The following NLGN1 variants were observed in gnomAD, a reference collection of about 807,000 sequenced individuals.
NLGN1 encodes the protein neuroligin 1, also known as neuroligin-1.
In NLGN1, 12 loss-of-function variants were observed where a neutral mutation model predicts 65.5. The observed-to-expected ratio is 0.18, with a 90% confidence interval of 0.12 to 0.30. The LOEUF (loss-of-function observed/expected upper bound fraction) is 0.30. Among genes scored for constraint, NLGN1 ranks in the 10% least tolerant of loss-of-function variants. NLGN1 has a pLI of 1.00. For missense variants in NLGN1, 750 were observed against 1,007.1 expected (o/e 0.74, Z 3.46); for synonymous variants, 350 against 359.5 (o/e 0.97, Z 0.30).
rs1486980849 is a variant in NLGN1, at chr3:174,211,721, G to A, written c.647-63594G>A. On this transcript the variant is annotated intron_variant, in intron 4 of 6. Coordinates refer to ENST00000457714, the Ensembl canonical transcript of NLGN1. ...GGTTCTCCACATCCCCATCAGATTAGTTAGATACAGAGTTTCGACACACAG... is the reference window on the plus strand; with the variant it reads ...GGTTCTCCACATCCCCATCAGATTAATTAGATACAGAGTTTCGACACACAG... 1.3e-4 allele frequency among the ~76,000 whole-genome samples: 19 copies of A among 143,440 alleles called. No homozygotes were observed. In the Admixed American group the frequency reaches 1.4e-3, roughly 10 times the overall value. 94.1% of individuals were successfully genotyped at this position (143,440 alleles called of 152,430 possible). A position where few individuals can be genotyped will look rare whatever the true frequency, so the allele number is the denominator to read the frequency against.
chr3:174,017,515 C>T (rs1726826847), intron 4 of NLGN1, among the ~76,000 whole-genome samples: 1 of 152,094 alleles, frequency 6.6e-6, no homozygotes, highest in Non-Finnish European at 1.5e-5. Context: ...GAGGTTCTTT[C>T]AGGGGAACCT....
chr3:173,430,879 A>G lies in NLGN1; in HGVS notation c.-389-4131A>G, dbSNP rs529964504. 2.6e-5 allele frequency among the ~76,000 whole-genome samples: 4 copies of G among 152,312 alleles called. No individual in the cohort carries two copies. The South Asian group carries it at 8.3e-4, about 32-fold the overall frequency. ...AGCACCAGAAGCAGATGCTGATACC[A>G]TGCTTCTTGTACAGCCTGGAGAACT... On this transcript the variant is annotated intron_variant, in intron 1 of 6. Coordinates refer to ENST00000457714, the Ensembl canonical transcript of NLGN1.
intron 2 of NLGN1, among the ~76,000 whole-genome samples, chr3:173,511,917 A>T (rs548239808): frequency 6.6e-6 from 1 of 152,114 alleles, no homozygotes; most frequent in Admixed American, 6.5e-5. Flanking sequence ...TTATAATTAT[A>T]TTGCAGGGTA....
intron 4 of NLGN1, among the ~76,000 whole-genome samples, chr3:173,859,058 A>C (rs1728563430): frequency 6.6e-6 from 1 of 152,110 alleles, no homozygotes; most frequent in Non-Finnish European, 1.5e-5. Flanking sequence ...ACTTCAATAT[A>C]GTTTAACTTC....
At chr3:173,614,423 A>G (rs1752750726) in intron 3 of NLGN1, among the ~76,000 whole-genome samples, 1 of 152,064 alleles carries the variant, frequency 6.6e-6, no homozygotes, top group Non-Finnish European at 1.5e-5. Context: ...GGATCTCTAA[A>G]AAGAAGAATG....
chr3:174,155,741 G>A (rs925437297), intron 4 of NLGN1, among the ~76,000 whole-genome samples: 1 of 151,780 alleles, frequency 6.6e-6, no homozygotes, highest in African/African-American at 2.4e-5. Flanking sequence ...AAGAAATATC[G>A]AAATGAGTAG....
intron 3 of NLGN1, among the ~76,000 whole-genome samples, chr3:173,660,184 C>G (rs1760724923): frequency 6.6e-6 from 1 of 151,794 alleles, no homozygotes; most frequent in Non-Finnish European, 1.5e-5. Context: ...TTTATCTTTT[C>G]CACACAGTGA....
chr3:174,252,177 A>C (rs891770316), intron 4 of NLGN1, among the ~76,000 whole-genome samples: 2 of 152,130 alleles, frequency 1.3e-5, no homozygotes, highest in Admixed American at 1.3e-4. Context: ...TCACATATTC[A>C]TTTCTTATCA....
chr3:173,797,014 C>T (rs1478276246), intron 3 of NLGN1, among the ~76,000 whole-genome samples: 1 of 152,122 alleles, frequency 6.6e-6, no homozygotes, highest in Non-Finnish European at 1.5e-5. Context: ...GGAAAGTGAG[C>T]CAGAGAGCTG....
At chr3:174,227,012 T>C (rs1278601841) in intron 4 of NLGN1, among the ~76,000 whole-genome samples, 6 of 152,212 alleles carry the variant, frequency 3.9e-5, no homozygotes, top group Admixed American at 6.5e-5. Context: ...TTAGTGATTC[T>C]AATATTAAAC....
chr3:173,594,031 G>T (rs951233967), intron 2 of NLGN1, among the ~76,000 whole-genome samples: 1 of 152,144 alleles, frequency 6.6e-6, no homozygotes, highest in Non-Finnish European at 1.5e-5. Context: ...TACAATTCAG[G>T]ATGAGAGTTG....
At chr3:173,584,399 ATTTTTTTTTTTTTTT>A (rs66827074) in intron 2 of NLGN1, among the ~76,000 whole-genome samples, 40 of 30,822 alleles carry the variant, frequency 1.3e-3, no homozygotes, top group South Asian at 6.5e-3. Flanking sequence ...GGTCCTCGGC[ATTTTTTTTTTTTTTT>A]TTTTTTTTTT....
At chr3:173,720,492 A>C (rs1348168934) in intron 3 of NLGN1, among the ~76,000 whole-genome samples, 1 of 152,180 alleles carries the variant, frequency 6.6e-6, no homozygotes, top group Non-Finnish European at 1.5e-5. Context: ...TATATCACAC[A>C]TTATTTGCTT....
At chr3:174,197,660 G>A (rs1733718321) in intron 4 of NLGN1, among the ~76,000 whole-genome samples, 4 of 151,574 alleles carry the variant, frequency 2.6e-5, no homozygotes, top group African/African-American at 9.7e-5. Context: ...AAATGCAACT[G>A]AGGCTGCTCT....
intron 2 of NLGN1, among the ~76,000 whole-genome samples, chr3:173,570,075 C>T (rs1744385451): frequency 6.6e-6 from 1 of 152,108 alleles, no homozygotes; most frequent in Non-Finnish European, 1.5e-5. Context: ...GTAGGCTTAA[C>T]CCCAACCTAT....
At chr3:173,837,832 A>C (rs550702489) in intron 4 of NLGN1, among the ~76,000 whole-genome samples, 1 of 152,316 alleles carries the variant, frequency 6.6e-6, no homozygotes. Flanking sequence ...ATGTCAGTGC[A>C]GTTGGAGGGA....
At chr3:173,784,429 G>A (rs1259787022) in intron 3 of NLGN1, among the ~76,000 whole-genome samples, 1 of 152,066 alleles carries the variant, frequency 6.6e-6, no homozygotes, top group African/African-American at 2.4e-5. Flanking sequence ...CTCTCCCACA[G>A]GCATGCTCAA....
At chr3:173,940,385 G>A (rs187123288) in intron 4 of NLGN1, among the ~76,000 whole-genome samples, 14 of 152,032 alleles carry the variant, frequency 9.2e-5, no homozygotes, top group African/African-American at 2.2e-4. Flanking sequence ...TACCATGCCC[G>A]GCCTCAAATA....
chr3:174,174,228 A>G (rs1048543586), intron 4 of NLGN1, among the ~76,000 whole-genome samples: 1 of 151,972 alleles, frequency 6.6e-6, no homozygotes, highest in Non-Finnish European at 1.5e-5. Context: ...TCATTCATTG[A>G]TGGGCATTTG....
Sources: allele counts gnomAD v4.1 joint callset (sites outside exome capture counted in the v4.1 genomes callset), GRCh38; gene constraint gnomAD v4.1.1; transcripts MANE v1.5; gene names NCBI Gene and HGNC (gene_info 2026-07-23, HGNC 2026-07-21).